WWOX: variants seen among roughly 807,000 people sequenced by gnomAD.
WWOX encodes WW domain-containing oxidoreductase.
Under a neutral mutation model 46.2 loss-of-function variants are expected in WWOX, and 69 were observed. The ratio of observed to expected loss-of-function variants is 1.49; its 90% CI spans 1.23 to 1.82. The LOEUF (loss-of-function observed/expected upper bound fraction) is 1.82. Ranked by LOEUF, WWOX falls within the 40% of genes most tolerant of loss-of-function variation. WWOX has a pLI of 0.00. For synonymous variants in WWOX, 359 were observed against 202.6 expected (o/e 1.77, Z -6.56); for missense variants, 919 against 542.6 (o/e 1.69, Z -6.89).
chr16:78,282,748 T>A (rs751016954), intron 5 of WWOX, among the ~76,000 whole-genome samples: 9 of 151,680 alleles, frequency 5.9e-5, no homozygotes, highest in Non-Finnish European at 8.8e-5. Context: ...AGTGGTGGTG[T>A]TCGCCTGTAG....
intron 5 of WWOX, among the ~76,000 whole-genome samples, chr16:78,310,297 G>T (rs1314199730): frequency 6.6e-6 from 1 of 152,126 alleles, no homozygotes; most frequent in Non-Finnish European, 1.5e-5. Flanking sequence ...GTGCTTCTGG[G>T]CTTTGTCTCA....
intron 8 of WWOX, among the ~76,000 whole-genome samples, chr16:78,440,988 G>C (rs936282720): frequency 6.6e-6 from 1 of 151,674 alleles, no homozygotes; most frequent in Non-Finnish European, 1.5e-5. Context: ...TGTCACCTAG[G>C]CTGGAATGCA....
chr16:78,631,126 A>G (rs1483290916), intron 8 of WWOX, among the ~76,000 whole-genome samples: 1 of 152,200 alleles, frequency 6.6e-6, no homozygotes, highest in Non-Finnish European at 1.5e-5. Flanking sequence ...ATACAATTTT[A>G]TGTTAGGGAC....
intron 8 of WWOX, among the ~76,000 whole-genome samples, chr16:78,667,878 C>G (rs1356765290): frequency 1.3e-5 from 2 of 152,014 alleles, no homozygotes; most frequent in Admixed American, 6.6e-5. Flanking sequence ...CATCCCATAC[C>G]TCTGTGTGTG....
At chr16:79,131,493 C>T (rs538752037) in intron 8 of WWOX, among the ~76,000 whole-genome samples, 9 of 152,036 alleles carry the variant, frequency 5.9e-5, no homozygotes, top group African/African-American at 2.2e-4. Flanking sequence ...TAAGCAATAC[C>T]CCTGAATGTC....
At chr16:78,752,655 A>T (rs2049515493) in intron 8 of WWOX, among the ~76,000 whole-genome samples, 1 of 152,212 alleles carries the variant, frequency 6.6e-6, no homozygotes, top group Admixed American at 6.5e-5. Flanking sequence ...ATTCTTTAAG[A>T]TAAACATTTG....
At chr16:78,302,365 C>T (rs555866182) in intron 5 of WWOX, among the ~76,000 whole-genome samples, 14 of 152,200 alleles carry the variant, frequency 9.2e-5, no homozygotes, top group African/African-American at 3.4e-4. Flanking sequence ...CAACTAACTC[C>T]CAGAAGTTGC....
At chr16:78,140,155 A>G (rs8062483) in intron 4 of WWOX, among the ~76,000 whole-genome samples, 99,153 of 151,958 alleles carry the variant, frequency 0.65, 32,771 homozygotes, top group East Asian at 0.76. Context: ...CTGCATGGTG[A>G]GCGTAAAAAT....
intron 6 of WWOX, among the ~76,000 whole-genome samples, chr16:78,412,526 G>A (rs551025340): frequency 6.6e-6 from 1 of 152,266 alleles, no homozygotes; most frequent in African/African-American, 2.4e-5. Context: ...GATTGGTGAT[G>A]GAACAATGGG....
intron 8 of WWOX, among the ~76,000 whole-genome samples, chr16:78,620,166 A>G (rs1019250913): frequency 2.0e-5 from 3 of 152,188 alleles, no homozygotes; most frequent in Non-Finnish European, 4.4e-5. Flanking sequence ...GAATAATAAT[A>G]CTATACCTTT....
chr16:78,976,129 G>A (rs1002271425), intron 8 of WWOX, among the ~76,000 whole-genome samples: 7 of 152,096 alleles, frequency 4.6e-5, no homozygotes, highest in African/African-American at 1.7e-4. Flanking sequence ...GTCCATCCTC[G>A]AATATCCTGC....
chr16:78,696,122 G>A (rs2048093382), intron 8 of WWOX, among the ~76,000 whole-genome samples: 2 of 152,152 alleles, frequency 1.3e-5, no homozygotes, highest in Non-Finnish European at 2.9e-5. Flanking sequence ...TAGGAGAGAA[G>A]CCACTAGGGG....
At chr16:79,020,483 G>A (rs1477444685) in intron 8 of WWOX, among the ~76,000 whole-genome samples, 1 of 152,186 alleles carries the variant, frequency 6.6e-6, no homozygotes, top group Non-Finnish European at 1.5e-5. Context: ...TCCCAGGGGA[G>A]TTAGGAGGAT....
At chr16:78,976,620 T>C (rs1293135305) in intron 8 of WWOX, among the ~76,000 whole-genome samples, 1 of 152,152 alleles carries the variant, frequency 6.6e-6, no homozygotes, top group Admixed American at 6.5e-5. Flanking sequence ...AGCCTGAACA[T>C]CCACACCCGC....
intron 8 of WWOX, among the ~76,000 whole-genome samples, chr16:78,741,834 G>A (rs150302099): frequency 2.0e-5 from 3 of 152,226 alleles, no homozygotes; most frequent in African/African-American, 4.8e-5. Flanking sequence ...CAGCCTGGGC[G>A]GCAGAGTGAG....
At chr16:78,150,676 C>G (rs888111268) in intron 4 of WWOX, among the ~76,000 whole-genome samples, 4 of 152,086 alleles carry the variant, frequency 2.6e-5, no homozygotes, top group African/African-American at 9.7e-5. Context: ...AGCCACTGTG[C>G]CTCTCCATTT....
At chr16:78,545,984 G>A (rs773876760) in intron 8 of WWOX, among the ~76,000 whole-genome samples, 2 of 152,094 alleles carry the variant, frequency 1.3e-5, no homozygotes, top group African/African-American at 2.4e-5. Flanking sequence ...CACATGGAGG[G>A]TTAGAACTTC....
chr16:78,495,258 A>G (rs1597164366), intron 8 of WWOX, among the ~76,000 whole-genome samples: 1 of 146,304 alleles, frequency 6.8e-6, no homozygotes, highest in African/African-American at 2.5e-5. Flanking sequence ...CTCCTGCCTC[A>G]GCCTTCTGAG....
intron 6 of WWOX, among the ~76,000 whole-genome samples, chr16:78,396,920 G>T (rs1037518519): frequency 6.6e-6 from 1 of 152,166 alleles, no homozygotes; most frequent in Non-Finnish European, 1.5e-5. Flanking sequence ...ATCTGGCCTG[G>T]CAGCTGTGGT....
Sources: gnomAD v4.1 joint callset for allele counts (sites outside exome capture counted in the v4.1 genomes callset) on GRCh38, gnomAD v4.1.1 for gene constraint, MANE v1.5 for transcripts, NCBI Gene and HGNC (gene_info 2026-07-23, HGNC 2026-07-21) for gene names.